PUM1: variants seen among roughly 807,000 people sequenced by gnomAD.
PUM1 encodes the protein pumilio homolog 1.
Under a neutral mutation model 131.8 loss-of-function variants are expected in PUM1, and 13 were observed. The observed-to-expected ratio is 0.10, with a 90% CI of 0.06 to 0.16. The LOEUF (loss-of-function observed/expected upper bound fraction) is 0.16, where lower values mean the gene tolerates loss of function less well. PUM1 is among the 10% of genes least tolerant of loss of function. The probability of loss-of-function intolerance (pLI) is 1.00; values close to 1 mark genes in which losing one functional copy is unlikely to be tolerated. For synonymous variants in PUM1, 509 were observed against 556.5 expected (o/e 0.91, Z 1.20); for missense variants, 961 against 1,512.4 (o/e 0.64, Z 6.05).
chr1:30,972,264 A>AGG (rs201283433), intron 10 of PUM1, among the ~76,000 whole-genome samples: 24 of 33,600 alleles, frequency 7.1e-4, no homozygotes, highest in Non-Finnish European at 8.6e-4. Flanking sequence ...GAAAGAAAAG[A>AGG]AAAGAAGGGA....
At chr1:31,043,432 C>T (rs1209866826) in intron 2 of PUM1, among the ~76,000 whole-genome samples, 1 of 151,452 alleles carries the variant, frequency 6.6e-6, no homozygotes, top group African/African-American at 2.4e-5. Flanking sequence ...GTTGGTCAGG[C>T]TGGTCTTGAA....
intron 7 of PUM1, among the ~76,000 whole-genome samples, chr1:30,984,542 G>C (rs934623442): frequency 6.6e-6 from 1 of 152,152 alleles, no homozygotes; most frequent in African/African-American, 2.4e-5. Context: ...TAATTCACTT[G>C]GGTAGATTTC....
At chr1:30,993,312 T>G (rs530104006) in intron 6 of PUM1, among the ~76,000 whole-genome samples, 51 of 149,018 alleles carry the variant, frequency 3.4e-4, no homozygotes, top group African/African-American at 1.1e-3. Context: ...AGATGTAATT[T>G]ATCATCCAAA....
At chr1:31,038,984 A>ATATATATATATATATATATATATAT in intron 2 of PUM1, among the ~76,000 whole-genome samples, 5 of 49,412 alleles carry the variant, frequency 1.0e-4, no homozygotes, top group South Asian at 8.2e-4. Context: ...ATATATATAT[A>ATATATATATATATATATATATATAT]TTTTTTTTTT....
chr1:30,958,089 C>A (rs1640246269), intron 14 of PUM1, among the ~76,000 whole-genome samples: 1 of 152,144 alleles, frequency 6.6e-6, no homozygotes, highest in Non-Finnish European at 1.5e-5. Context: ...ATGACTACTG[C>A]TTACTGGCCA....
At chr1:31,005,625 T>TC (rs1333685005) in intron 5 of PUM1, among the ~76,000 whole-genome samples, 1 of 152,070 alleles carries the variant, frequency 6.6e-6, no homozygotes, top group Non-Finnish European at 1.5e-5. Flanking sequence ...TATCAATGTG[T>TC]CCCCCCACCA....
At chr1:31,033,236 T>C (rs1208549654) in intron 2 of PUM1, among the ~76,000 whole-genome samples, 2 of 151,602 alleles carry the variant, frequency 1.3e-5, no homozygotes, top group African/African-American at 4.8e-5. Context: ...AGATGGAGTC[T>C]GGCTGTTGCC....
chr1:30,947,546 C>T (rs905648963), intron 17 of PUM1, among the ~76,000 whole-genome samples: 11 of 152,168 alleles, frequency 7.2e-5, no homozygotes, highest in Non-Finnish European at 1.2e-4. Flanking sequence ...TGGAGCCCTT[C>T]CCCCAAACTC....
At chr1:30,940,564 C>T (rs1171995475) in intron 20 of PUM1, among the ~76,000 whole-genome samples, 1 of 152,080 alleles carries the variant, frequency 6.6e-6, no homozygotes, top group East Asian at 1.9e-4. Flanking sequence ...GAATATATTC[C>T]AAAAATAAAA....
chr1:31,001,000 C>T (rs944891134), intron 5 of PUM1, among the ~76,000 whole-genome samples: 1 of 152,000 alleles, frequency 6.6e-6, no homozygotes, highest in Non-Finnish European at 1.5e-5. Flanking sequence ...TCCTGGCTAA[C>T]ACAGTGAAAC....
At chr1:30,954,188 G>A (rs1398464423) in intron 14 of PUM1, among the ~76,000 whole-genome samples, 1 of 152,200 alleles carries the variant, frequency 6.6e-6, no homozygotes, top group Non-Finnish European at 1.5e-5. Flanking sequence ...AGATTGAGAA[G>A]GGAATGCTTT....
chr1:30,970,105 T>C (rs2124448256), intron 10 of PUM1, among the ~76,000 whole-genome samples: 1 of 152,354 alleles, frequency 6.6e-6, no homozygotes, highest in East Asian at 1.9e-4. Flanking sequence ...AAGGCTAAAA[T>C]TACTACAGTT....
chr1:30,949,028 T>G (rs1276506952), intron 17 of PUM1: 4 of 455,700 alleles, frequency 8.8e-6, no homozygotes, highest in African/African-American at 2.0e-5. Context: ...TTAAAAACTT[T>G]GGACTTCTTC....
At chr1:31,008,119 A>G (rs1176950398) in intron 3 of PUM1, among the ~76,000 whole-genome samples, 2 of 152,218 alleles carry the variant, frequency 1.3e-5, no homozygotes, top group Non-Finnish European at 2.9e-5. Flanking sequence ...AAAAAACCAG[A>G]AAGCACAAAA....
intron 7 of PUM1, among the ~76,000 whole-genome samples, chr1:30,987,326 AG>A (rs1641601942): frequency 3.3e-5 from 5 of 151,588 alleles, no homozygotes; most frequent in African/African-American, 1.2e-4. Flanking sequence ...CCTCCCGAGT[AG>A]CTGGGACTAC....
chr1:31,046,426 T>G (rs966651260), intron 2 of PUM1, among the ~76,000 whole-genome samples: 4 of 150,976 alleles, frequency 2.6e-5, no homozygotes, highest in Non-Finnish European at 4.4e-5. Context: ...CAAAAAAATA[T>G]TACACAAAAA....
In PUM1 at chr1:30,966,157, A is replaced by G. The variant is rs1640611529; in HGVS notation, c.1911T>C (p.Asn637=). Residue 637 remains asparagine, a synonymous_variant, in exon 13 of 22, where the codon AAT becomes AAC. Coordinates refer to ENST00000426105, the MANE Select transcript of PUM1 (RefSeq NM_001020658.2). ...AGAAAGAACTGGATGCCAGGTTGTT[A>G]TTGGGCTGCTGCTGGGGCTGGGGCT... ...QPQPQPQQQP[N]NNLASSSFYG... 3 of 1,614,088 alleles carry G rather than the reference A, an allele frequency of 1.9e-6. No individual in the cohort carries two copies. The African/African-American group carries it at 4.0e-5, about 22-fold the overall frequency.
chr1:30,995,973 G>T (rs1641966365), intron 5 of PUM1, among the ~76,000 whole-genome samples: 1 of 152,198 alleles, frequency 6.6e-6, no homozygotes, highest in Admixed American at 6.5e-5. Context: ...CTAAGTGGGA[G>T]TATGTTAAAT....
Position 31,053,684 on chromosome 1 carries a change from G to C in PUM1, c.363+5520C>G, listed in dbSNP as rs117931185. ...AGACATGATCTCACCATGTTGTCCA[G>C]GCTGCTCTCGAACTCCTGGGGGCTC... On this transcript the variant is annotated intron_variant, in intron 2 of 21. Coordinates refer to ENST00000426105, the MANE Select transcript of PUM1 (RefSeq NM_001020658.2). Among the ~76,000 whole-genome samples, 776 of 151,818 alleles carry C rather than the reference G, an allele frequency of 5.1e-3. 4 individuals are homozygous for C. The highest frequency in any genetic ancestry group is 0.033 in the East Asian group (163 of 5,006).
Sources: gnomAD v4.1 joint callset for allele counts (sites outside exome capture counted in the v4.1 genomes callset) on GRCh38, gnomAD v4.1.1 for gene constraint, MANE v1.5 for transcripts, NCBI Gene and HGNC (gene_info 2026-07-23, HGNC 2026-07-21) for gene names.